Variants in PCSK5 observed in about 807,000 individuals in gnomAD.
PCSK5 encodes the protein proprotein convertase subtilisin/kexin type 5, also known as prohormone convertase 5.
In PCSK5, 129 loss-of-function variants were observed where a neutral mutation model predicts 233.2. The observed-to-expected ratio is 0.55, with a 90% CI of 0.48 to 0.64. The LOEUF (loss-of-function observed/expected upper bound fraction) is 0.64. PCSK5 is among the 30% of genes least tolerant of loss of function. The pLI, the probability that PCSK5 is intolerant of heterozygous loss-of-function variation, is 0.00. For synonymous variants in PCSK5, 825 were observed against 879.2 expected, an observed-to-expected ratio of 0.94 and a Z score of 1.09; for missense variants, 2,076 against 2,430.1, an observed-to-expected ratio of 0.85 and a Z score of 3.06.
Position 75,987,701 on chromosome 9 carries a change from G to T in PCSK5, c.411+1456G>T, listed in dbSNP as rs145097696. On this transcript the variant is annotated intron_variant, in intron 3 of 37. Transcript: ENST00000674117. Reference sequence around the variant, plus strand: ...TAAGTTCAAGGGAAGGCGGATCTAAGCATCCTTAGCCCCAGTAGCCGCAAA... The same window carrying T: ...TAAGTTCAAGGGAAGGCGGATCTAATCATCCTTAGCCCCAGTAGCCGCAAA... 3.0e-4 allele frequency among the ~76,000 whole-genome samples: 46 copies of T among 152,306 alleles called. No homozygotes were observed. The East Asian group carries it at 8.7e-3, about 29-fold the overall frequency.
chr9:76,233,425 C>T (rs1239728095), intron 21 of PCSK5, 35 bp from the exon 22 acceptor site: 50 of 1,610,076 alleles, frequency 3.1e-5, no homozygotes, highest in Non-Finnish European at 4.0e-5. Context: ...TGGAAAGTCA[C>T]CCTGATGAAT....
intron 2 of PCSK5, among the ~76,000 whole-genome samples, chr9:75,945,171 A>G (rs1173502285): frequency 6.6e-6 from 1 of 150,656 alleles, no homozygotes; most frequent in Non-Finnish European, 1.5e-5. Context: ...CATATAAGAT[A>G]TATGTCATAC....
intron 24 of PCSK5, among the ~76,000 whole-genome samples, chr9:76,277,461 G>T (rs1037360289): frequency 6.6e-6 from 1 of 152,120 alleles, no homozygotes; most frequent in Non-Finnish European, 1.5e-5. Context: ...TAGAGGACTC[G>T]ATAAAGACTA....
At chr9:76,297,683 C>CA (rs1378602167) in intron 27 of PCSK5, among the ~76,000 whole-genome samples, 2 of 152,206 alleles carry the variant, frequency 1.3e-5, no homozygotes, top group African/African-American at 2.4e-5. Flanking sequence ...GAGACAGTCA[C>CA]AAAAACAGGA....
At chr9:75,980,760 T>TTTC (rs34831350) in intron 2 of PCSK5, among the ~76,000 whole-genome samples, 47,209 of 150,252 alleles carry the variant, frequency 0.31, 8,016 homozygotes, top group East Asian at 0.63. Flanking sequence ...TTTTTTTTTT[T>TTTC]CTCACCAGTT....
At chr9:75,900,224 T>G (rs983782598) in intron 1 of PCSK5, among the ~76,000 whole-genome samples, 4 of 152,304 alleles carry the variant, frequency 2.6e-5, no homozygotes, top group East Asian at 1.9e-4. Context: ...GGACCCTAGA[T>G]AAGTGTCTTA....
At chr9:76,293,111 G>A (rs867349314) in intron 25 of PCSK5, among the ~76,000 whole-genome samples, 2 of 152,142 alleles carry the variant, frequency 1.3e-5, no homozygotes, top group Non-Finnish European at 2.9e-5. Flanking sequence ...CTACATTTGC[G>A]ACATTTGGCC....
chr9:76,245,846 G>C (rs1251856490), intron 24 of PCSK5, among the ~76,000 whole-genome samples: 2 of 152,180 alleles, frequency 1.3e-5, no homozygotes, highest in African/African-American at 2.4e-5. Context: ...TAATTAAAGG[G>C]AGAGAGGCTT....
intron 24 of PCSK5, among the ~76,000 whole-genome samples, chr9:76,261,058 C>G (rs1234353266): frequency 6.6e-6 from 1 of 152,148 alleles, no homozygotes; most frequent in Non-Finnish European, 1.5e-5. Flanking sequence ...TTATTCACCA[C>G]CTTCAAGGTC....
chr9:76,150,503 C>G (rs1349474904), intron 10 of PCSK5, among the ~76,000 whole-genome samples: 1 of 152,100 alleles, frequency 6.6e-6, no homozygotes, highest in Non-Finnish European at 1.5e-5. Context: ...CGTGGTGGCA[C>G]ATGCTTGTAA....
chr9:76,064,104 T>A (rs1830150990), intron 5 of PCSK5, among the ~76,000 whole-genome samples: 1 of 119,460 alleles, frequency 8.4e-6, no homozygotes, highest in Non-Finnish European at 1.7e-5. Flanking sequence ...GCCCCTCACC[T>A]CCCAGACGGG....
intron 5 of PCSK5, among the ~76,000 whole-genome samples, chr9:76,030,512 A>T (rs1828610050): frequency 6.6e-6 from 1 of 152,232 alleles, no homozygotes; most frequent in Non-Finnish European, 1.5e-5. Flanking sequence ...ATTATTACTG[A>T]TGACATGTAT....
chr9:76,064,956 G>A (rs138182065), intron 5 of PCSK5, among the ~76,000 whole-genome samples: 2,144 of 152,292 alleles, frequency 0.014, 56 homozygotes, highest in African/African-American at 0.049. Flanking sequence ...CAAAGTGTTG[G>A]GATTACAGGC....
chr9:76,243,768 G>GC (rs34216161), intron 24 of PCSK5, among the ~76,000 whole-genome samples: 62,403 of 151,948 alleles, frequency 0.41, 13,108 homozygotes, highest in African/African-American at 0.46. Context: ...TAATAAATAT[G>GC]AATTAATGCA....
intron 12 of PCSK5, among the ~76,000 whole-genome samples, chr9:76,163,666 G>A (rs1822964543): frequency 6.6e-6 from 1 of 152,120 alleles, no homozygotes; most frequent in South Asian, 2.1e-4. Flanking sequence ...TAAAGAGCAT[G>A]GAGGTCGAGT....
chr9:75,894,481 G>A (rs1825731466), intron 1 of PCSK5, among the ~76,000 whole-genome samples: 1 of 151,956 alleles, frequency 6.6e-6, no homozygotes, highest in African/African-American at 2.4e-5. Flanking sequence ...ATAAATGAAG[G>A]TTTTCTTGCC....
intron 30 of PCSK5, among the ~76,000 whole-genome samples, chr9:76,318,366 G>C (rs1422426898): frequency 6.6e-6 from 1 of 151,898 alleles, no homozygotes; most frequent in African/African-American, 2.4e-5. Context: ...ACCTAATGTA[G>C]ATAGATGATG....
chr9:76,169,121 A>T (rs565182835), intron 12 of PCSK5, among the ~76,000 whole-genome samples: 1 of 152,358 alleles, frequency 6.6e-6, no homozygotes, highest in Admixed American at 6.5e-5. Context: ...GAATCCACAG[A>T]TACAGAGGGC....
At position 75,976,555 on chromosome 9, in the gene PCSK5, C is replaced by G. The variant is rs1403180344; in HGVS notation, c.298-9577C>G. On this transcript the variant is annotated intron_variant, in intron 2 of 37. Coordinates refer to ENST00000674117, the MANE Select transcript of PCSK5 (RefSeq NM_001372043.1). ...GCGACATCATCAATGGAAAAATGAG[C>G]CTGAAGTCTTTGAAATTATCTTTCC... Among the ~76,000 whole-genome samples, 8 of 151,676 alleles carry G rather than the reference C, an allele frequency of 5.3e-5. No individual in the cohort carries two copies. In the East Asian group the frequency reaches 1.6e-3, roughly 29 times the overall value.
Sources: gnomAD v4.1 joint callset for allele counts (sites outside exome capture counted in the v4.1 genomes callset) on GRCh38, gnomAD v4.1.1 for gene constraint, MANE v1.5 for transcripts, NCBI Gene and HGNC (gene_info 2026-07-23, HGNC 2026-07-21) for gene names.